ARL6IP1: variants seen among roughly 807,000 people sequenced by gnomAD.
ARL6IP1 encodes the protein ARL6 interacting reticulophagy regulator 1, also known as ADP-ribosylation factor-like protein 6-interacting protein 1.
A neutral mutation model predicts 30.1 loss-of-function variants in ARL6IP1; 16 were observed. The ratio of observed to expected loss-of-function variants is 0.53; its 90% confidence interval spans 0.36 to 0.81. The LOEUF is 0.81. Among genes scored for constraint, ARL6IP1 ranks in the 30% least tolerant of loss-of-function variants. ARL6IP1 has a pLI of 0.01. For synonymous variants in ARL6IP1, 72 were observed against 84.8 expected, an observed-to-expected ratio of 0.85 and a Z score of 0.83; for missense variants, 173 against 242.7, an observed-to-expected ratio of 0.71 and a Z score of 1.91.
At chr16:18,796,638 T>TA (rs1218348900) in intron 3 of ARL6IP1, among the ~76,000 whole-genome samples, 2 of 152,244 alleles carry the variant, frequency 1.3e-5, no homozygotes, top group East Asian at 3.8e-4. Flanking sequence ...CTAACTCTGT[T>TA]ATACTGCACA....
At chr16:18,797,810 G>A in intron 3 of ARL6IP1, 115 bp downstream of exon 3, 1 of 1,283,546 alleles carries the variant, frequency 7.8e-7, no homozygotes, top group Non-Finnish European at 1.1e-6. Flanking sequence ...TAAATCTAAT[G>A]CTTAGGTGTC....
chr16:18,801,545 A>G lies in ARL6IP1; in HGVS notation c.-79T>C. The G allele has an allele frequency of 6.4e-7, 1 of 1,561,894 alleles. No individual in the cohort carries two copies. Among genetic ancestry groups the G allele is most frequent in the Non-Finnish European group, 8.7e-7 (1 of 1,151,530 alleles). ...CAACCGAAACCCGCACACCAACCAC[A>G]ACCCGAGGGAACGCCCCGCAGGCTG... On this transcript the variant is annotated 5_prime_UTR_variant, in exon 1 of 6. Transcript: ENST00000304414.
In ARL6IP1 at chr16:18,793,156, G is replaced by A; in HGVS notation, c.*96C>T. Reference sequence around the variant, plus strand: ...AGGGCAGAGTGAGGGAGAACAAAGAGCTACTTCCGTAACATTTTAGTATCC... The same window carrying A: ...AGGGCAGAGTGAGGGAGAACAAAGAACTACTTCCGTAACATTTTAGTATCC... On this transcript the variant is annotated 3_prime_UTR_variant, in exon 6 of 6. Coordinates refer to ENST00000304414, the MANE Select transcript of ARL6IP1 (RefSeq NM_015161.3). The A allele has an allele frequency of 1.3e-6, 1 of 784,232 alleles. No individual in the cohort carries two copies. The highest frequency in any genetic ancestry group is 2.1e-6 in the Non-Finnish European group (1 of 482,000). The allele number at this position is 784,232 out of a possible 1,614,324, so 48.6% of individuals were successfully genotyped here.
intron 2 of ARL6IP1, 170 bp from the exon 3 acceptor site, chr16:18,798,214 T>C (rs929015080): frequency 1.5e-5 from 9 of 592,150 alleles, no homozygotes; most frequent in African/African-American, 1.3e-4. Context: ...CATGCTGATA[T>C]CATAGCTGCA....
chr16:18,797,922 T>C lies in ARL6IP1; in HGVS notation c.290+3A>G, dbSNP rs757101868. The C allele has an allele frequency of 6.2e-7, 1 of 1,609,556 alleles. No individual in the cohort carries two copies. Among genetic ancestry groups the C allele is most frequent in the Non-Finnish European group, 8.5e-7 (1 of 1,178,838 alleles). On this transcript the variant is annotated splice_donor_region_variant and intron_variant, in intron 3 of 5. Transcript: ENST00000304414. ...GAGACTGCCAAATCATTATGCTACC[T>C]ACCATTTATTGGAGCCAAAAATTCT...
intron 5 of ARL6IP1, 57 bp from the exon 6 acceptor site, chr16:18,793,427 A>C: frequency 1.1e-6 from 1 of 908,264 alleles, no homozygotes; most frequent in Non-Finnish European, 1.6e-6. Flanking sequence ...GCTAAAGGTT[A>C]TTACTTTTTT....
In ARL6IP1 at chr16:18,792,416, A is replaced by C. The variant is rs570349781; in HGVS notation, c.*836T>G. On this transcript the variant is annotated 3_prime_UTR_variant, in exon 6 of 6. Coordinates refer to ENST00000304414, the MANE Select transcript of ARL6IP1 (RefSeq NM_015161.3). ...CATAGAAGACTGCTGTCCTTTTGCC[A>C]GTCTTAGAGTGAAAGTCATAGACAT... 1.3e-5 allele frequency: 2 copies of C among 152,232 alleles called. No homozygotes were observed. Among genetic ancestry groups the C allele is most frequent in the Admixed American group, 1.3e-4 (2 of 15,286 alleles). The allele number at this position is 152,232 out of a possible 1,614,324, so 9.4% of individuals were successfully genotyped here. A position where few individuals can be genotyped will look rare whatever the true frequency, so the allele number is the denominator to read the frequency against.
chr16:18,798,140 T>A, intron 2 of ARL6IP1, 96 bp from the exon 3 acceptor site: 1 of 1,207,234 alleles, frequency 8.3e-7, no homozygotes, highest in South Asian at 1.8e-5. Flanking sequence ...ATTCACCGCC[T>A]CTCAGAGATA....
chr16:18,800,587 C>T (rs2030377902), intron 1 of ARL6IP1, among the ~76,000 whole-genome samples: 1 of 152,176 alleles, frequency 6.6e-6, no homozygotes, highest in Admixed American at 6.5e-5. Flanking sequence ...ACGTCATTGG[C>T]CAGCGTCTGG....
In ARL6IP1 at chr16:18,794,711, C is replaced by A. The variant is rs754181260; in HGVS notation, c.409-28G>T. ...AGCAATGAAAACAAGAATTTAATAT[C>A]AAAACTTCATGTGACACCATAAATA... On this transcript the variant is annotated intron_variant, in intron 4 of 5. Coordinates refer to ENST00000304414, the MANE Select transcript of ARL6IP1 (RefSeq NM_015161.3). 4 of 1,525,798 alleles carry A rather than the reference C, an allele frequency of 2.6e-6. No individual in the cohort carries two copies. The South Asian group carries it at 3.4e-5, about 13-fold the overall frequency. The allele number at this position is 1,525,798 out of a possible 1,614,324, so 94.5% of individuals were successfully genotyped here.
intron 3 of ARL6IP1, among the ~76,000 whole-genome samples, chr16:18,796,127 A>G (rs1367083813): frequency 1.3e-5 from 2 of 152,226 alleles, no homozygotes; most frequent in Non-Finnish European, 2.9e-5. Flanking sequence ...ATTTATCCCT[A>G]GGGAGGGAAA....
Position 18,798,422 on chromosome 16 carries a change from T to A in ARL6IP1, c.170+279A>T, listed in dbSNP as rs2035976. The A allele has an allele frequency of 0.99, 357,126 of 359,062 alleles. 177,675 individuals carry two copies. Among genetic ancestry groups the A allele is most frequent in the Middle Eastern group, 1 (1,310 of 1,310 alleles). 22.2% of individuals were successfully genotyped at this position (359,062 alleles called of 1,614,324 possible). A position where few individuals can be genotyped will look rare whatever the true frequency, so the allele number is the denominator to read the frequency against. On this transcript the variant is annotated intron_variant, in intron 2 of 5. Coordinates refer to ENST00000304414, the MANE Select transcript of ARL6IP1 (RefSeq NM_015161.3). ...ACAAACCTGTACATTCTACACATGTTTCCCAGAACTTAAAGTATAATAACA... is the reference window on the plus strand; with the variant it reads ...ACAAACCTGTACATTCTACACATGTATCCCAGAACTTAAAGTATAATAACA...
chr16:18,793,401 A>G, intron 5 of ARL6IP1, 31 bp from the exon 6 acceptor site: 1 of 1,273,796 alleles, frequency 7.9e-7, no homozygotes. Flanking sequence ...AACATTAAGG[A>G]GGCAGCAATT....
intron 3 of ARL6IP1, 23 bp from the exon 4 acceptor site, chr16:18,795,604 G>T: frequency 6.4e-7 from 1 of 1,566,756 alleles, no homozygotes; most frequent in South Asian, 1.1e-5. Context: ...TTTGCCTTTT[G>T]CTATAAACAA....
rs948375278 is a variant in ARL6IP1 at position 18,798,510 on chromosome 16, T to G, written c.170+191A>C. On this transcript the variant is annotated intron_variant, in intron 2 of 5. Coordinates refer to ENST00000304414, the MANE Select transcript of ARL6IP1 (RefSeq NM_015161.3). ...CGAGTCACTGATTTACTCAAGTGCT[T>G]TAGGTTACCAAGTTTACAGAAGTAC... The G allele has an allele frequency of 2.1e-5, 12 of 583,926 alleles. No homozygotes were observed. In the Admixed American group the frequency reaches 2.2e-4, roughly 11 times the overall value. 36.2% of individuals were successfully genotyped at this position (583,926 alleles called of 1,614,324 possible).
At chr16:18,798,433 T>TA (rs2030307419) in intron 2 of ARL6IP1, 2 of 377,188 alleles carry the variant, frequency 5.3e-6, no homozygotes, top group South Asian at 5.8e-5. Context: ...TCCCAGAACT[T>TA]AAAGTATAAT....
intron 3 of ARL6IP1, among the ~76,000 whole-genome samples, chr16:18,797,299 G>A (rs1030284448): frequency 6.6e-6 from 1 of 151,522 alleles, no homozygotes; most frequent in Admixed American, 6.6e-5. Flanking sequence ...GCAAGAGAAT[G>A]GCATGAACCT....
At chr16:18,800,383 G>C (rs2030371903) in intron 1 of ARL6IP1, among the ~76,000 whole-genome samples, 1 of 152,172 alleles carries the variant, frequency 6.6e-6, no homozygotes, top group Non-Finnish European at 1.5e-5. Flanking sequence ...AGGAGAGTTG[G>C]GAAGCAGGAG....
At chr16:18,796,815 C>T (rs751547472) in intron 3 of ARL6IP1, among the ~76,000 whole-genome samples, 5 of 152,146 alleles carry the variant, frequency 3.3e-5, no homozygotes, top group Non-Finnish European at 7.4e-5. Flanking sequence ...CTTAAAGATC[C>T]ATAAGGTACA....
Sources: gnomAD v4.1 joint callset for allele counts (sites outside exome capture counted in the v4.1 genomes callset) on GRCh38, gnomAD v4.1.1 for gene constraint, MANE v1.5 for transcripts, NCBI Gene and HGNC (gene_info 2026-07-23, HGNC 2026-07-21) for gene names.